PLB1: variants seen among roughly 807,000 people sequenced by gnomAD.
PLB1 encodes the protein phospholipase B1, membrane-associated.
In PLB1, 242 loss-of-function variants were observed where a neutral mutation model predicts 227.4. The ratio of observed to expected loss-of-function variants is 1.06; its 90% CI spans 0.96 to 1.18. The LOEUF (loss-of-function observed/expected upper bound fraction) is 1.18. Among genes scored for constraint, PLB1 ranks in the 50% most tolerant of loss-of-function variants. The pLI, the probability that PLB1 is intolerant of heterozygous loss-of-function variation, is 0.00. For synonymous variants in PLB1, 757 were observed against 682.2 expected, an observed-to-expected ratio of 1.11 and a Z score of -1.71; for missense variants, 1,858 against 1,816.3, an observed-to-expected ratio of 1.02 and a Z score of -0.42.
intron 45 of PLB1, 55 bp from the exon 46 acceptor site, chr2:28,618,284 CTT>C: frequency 6.9e-7 from 1 of 1,458,352 alleles, no homozygotes; most frequent in South Asian, 1.1e-5. Context: ...AAAATGTGTA[CTT>C]TAAGAGGTAG....
chr2:28,583,747 G>A (rs1680448219), intron 25 of PLB1, among the ~76,000 whole-genome samples: 1 of 152,084 alleles, frequency 6.6e-6, no homozygotes, highest in African/African-American at 2.4e-5. Flanking sequence ...AATGGCTCAT[G>A]TGGGGCTAAG....
At chr2:28,506,790 A>G (rs1354527650) in intron 1 of PLB1, among the ~76,000 whole-genome samples, 1 of 152,218 alleles carries the variant, frequency 6.6e-6, no homozygotes, top group African/African-American at 2.4e-5. Context: ...CTTGGTGAAC[A>G]GAGCCCTGGA....
intron 20 of PLB1, among the ~76,000 whole-genome samples, chr2:28,568,218 A>C (rs1048149445): frequency 6.6e-6 from 1 of 152,218 alleles, no homozygotes. Context: ...GAGATGGTTC[A>C]GGGTGCTTTT....
intron 43 of PLB1, 43 bp from the exon 44 acceptor site, chr2:28,613,988 A>C (rs769051450): frequency 6.6e-7 from 1 of 1,519,918 alleles, no homozygotes; most frequent in Admixed American, 1.7e-5. Flanking sequence ...AGCAAACTTC[A>C]GTGCTGTCAG....
chr2:28,503,320 T>TAA (rs1344134725), intron 1 of PLB1, among the ~76,000 whole-genome samples: 4 of 146,552 alleles, frequency 2.7e-5, no homozygotes, highest in African/African-American at 1.0e-4. Context: ...ACCTGTTAAT[T>TAA]AAAAAAAAAA....
chr2:28,602,051 C>A, intron 38 of PLB1, 87 bp downstream of exon 38: 2 of 1,298,124 alleles, frequency 1.5e-6, no homozygotes, highest in Non-Finnish European at 2.2e-6. Flanking sequence ...AGAAGAACCC[C>A]TTTCTCTCAA....
chr2:28,593,947 C>CTCT, intron 33 of PLB1, 193 bp downstream of exon 33: 1 of 618,344 alleles, frequency 1.6e-6, no homozygotes. Context: ...TGTTGATAAT[C>CTCT]TTTTTTTTTT....
chr2:28,617,876 T>A, intron 45 of PLB1, 89 bp downstream of exon 45: 1 of 1,317,106 alleles, frequency 7.6e-7, no homozygotes, highest in Non-Finnish European at 1.1e-6. Flanking sequence ...CCTGGAGCTT[T>A]AAGCAGGACT....
intron 43 of PLB1, among the ~76,000 whole-genome samples, chr2:28,607,058 G>A (rs1309311099): frequency 2.6e-5 from 4 of 152,290 alleles, no homozygotes; most frequent in East Asian, 3.9e-4. Flanking sequence ...GCCCAGAGCT[G>A]TATGGAGGAG....
At chr2:28,515,270 G>A (rs1668712949) in intron 1 of PLB1, among the ~76,000 whole-genome samples, 1 of 152,126 alleles carries the variant, frequency 6.6e-6, no homozygotes, top group Admixed American at 6.6e-5. Flanking sequence ...TCAGAGACTG[G>A]TCACAGCTCC....
At chr2:28,576,028 C>G (rs1043858884) in intron 21 of PLB1, among the ~76,000 whole-genome samples, 3 of 152,078 alleles carry the variant, frequency 2.0e-5, no homozygotes, top group Admixed American at 6.6e-5. Context: ...AGGGAGGCAT[C>G]CAAGAATGAA....
intron 1 of PLB1, among the ~76,000 whole-genome samples, chr2:28,504,571 C>T (rs887205816): frequency 1.3e-5 from 2 of 152,020 alleles, no homozygotes; most frequent in Admixed American, 1.3e-4. Context: ...GGTGAAACCC[C>T]ATCTCTACTG....
At chr2:28,589,834 T>A in intron 28 of PLB1, 64 bp downstream of exon 28, 3 of 1,526,012 alleles carry the variant, frequency 2.0e-6, no homozygotes, top group Non-Finnish European at 2.7e-6. Flanking sequence ...ACAAAGCCTT[T>A]GGAGGACCTC....
At chr2:28,589,853 A>G in intron 28 of PLB1, 83 bp downstream of exon 28, 1 of 1,424,276 alleles carries the variant, frequency 7.0e-7, no homozygotes. Context: ...TCGGAGGCCC[A>G]TCGTGCAGGC....
chr2:28,624,602 G>C (rs1022497163), intron 49 of PLB1, among the ~76,000 whole-genome samples: 3 of 152,154 alleles, frequency 2.0e-5, no homozygotes, highest in Admixed American at 1.3e-4. Flanking sequence ...AAAACAAAAG[G>C]ATTAAAGGAG....
rs757463569 is a variant in PLB1, at chr2:28,532,128, C to A, written c.489C>A (p.Asp163Glu). The change falls in exon 9 of 58, where the codon GAC becomes GAA. Residue 163 changes from aspartate (D) to glutamate (E), a missense_variant. Asp to Glu is a conservative substitution (Grantham distance 45). Coordinates refer to ENST00000327757, the MANE Select transcript of PLB1 (RefSeq NM_153021.5). ...TTCAGCAACTTGACTTTCAATTTGACTGGAAGCTCATCAATGTGTTCTTCA... is the reference window on the plus strand; with the variant it reads ...TTCAGCAACTTGACTTTCAATTTGAATGGAAGCTCATCAATGTGTTCTTCA... ...KENLQLDFQF[D>E]WKLINVFFSN... is the part of the protein sequence containing the mutation. 6.2e-7 allele frequency: 1 copy of A among 1,612,068 alleles called. No individual in the cohort carries two copies. Among genetic ancestry groups the A allele is most frequent in the African/African-American group, 1.3e-5 (1 of 74,922 alleles).
At position 28,538,251 on chromosome 2, in the gene PLB1, A is replaced by T. The variant is rs780993955; in HGVS notation, c.556-68A>T. On this transcript the variant is annotated intron_variant, in intron 9 of 57. Coordinates refer to ENST00000327757, the MANE Select transcript of PLB1 (RefSeq NM_153021.5). ...GCCTGGCAGGGATGGGCCTGTTGTGAGTCTGGGTGGCCTCACCTCGTGGTC... is the reference window on the plus strand; with the variant it reads ...GCCTGGCAGGGATGGGCCTGTTGTGTGTCTGGGTGGCCTCACCTCGTGGTC... 9 of 1,598,552 alleles carry T rather than the reference A, an allele frequency of 5.6e-6. No individual in the cohort carries two copies. In the African/African-American group the frequency reaches 1.2e-4, roughly 21 times the overall value.
intron 20 of PLB1, among the ~76,000 whole-genome samples, chr2:28,568,576 C>A (rs893395441): frequency 4.6e-5 from 7 of 152,190 alleles, no homozygotes; most frequent in African/African-American, 1.7e-4. Context: ...CGTTCAACCC[C>A]CTGTTCAATT....
Position 28,630,595 on chromosome 2 carries a change from C to T in PLB1, c.3828C>T (p.Cys1276=). Residue 1276 remains cysteine, a synonymous_variant, in exon 54 of 58, where the codon TGC becomes TGT. Transcript: ENST00000327757. ...ACTCCCTGTCTCACAGGAACAACTG[C>T]ACTTGCCTCAGACACTCGCAAAGCT... ...KCAMLAAQNN[C]TCLRHSQSSL... 6.2e-7 allele frequency: 1 copy of T among 1,613,610 alleles called. No homozygotes were observed. Among genetic ancestry groups the T allele is most frequent in the Non-Finnish European group, 8.5e-7 (1 of 1,179,708 alleles).
Sources: allele counts gnomAD v4.1 joint callset (sites outside exome capture counted in the v4.1 genomes callset), GRCh38; gene constraint gnomAD v4.1.1; transcripts MANE v1.5; gene names NCBI Gene and HGNC (gene_info 2026-07-23, HGNC 2026-07-21).